VWA3B: variants seen among roughly 807,000 people sequenced by gnomAD.
VWA3B encodes von Willebrand factor A domain-containing protein 3B.
A neutral mutation model predicts 158.3 loss-of-function variants in VWA3B; 138 were observed. The ratio of observed to expected loss-of-function variants is 0.87; its 90% CI spans 0.76 to 1.00. VWA3B has a LOEUF of 1.00. Ranked by LOEUF, VWA3B falls within the 50% of genes least tolerant of loss-of-function variation. VWA3B has a pLI of 0.00. For missense variants in VWA3B, 1,555 were observed against 1,565.1 expected (o/e 0.99, Z 0.11); for synonymous variants, 596 against 587.3 (o/e 1.01, Z -0.21).
At chr2:98,272,337 T>A (rs532523475) in intron 22 of VWA3B, among the ~76,000 whole-genome samples, 5 of 152,212 alleles carry the variant, frequency 3.3e-5, no homozygotes, top group Non-Finnish European at 7.3e-5. Context: ...AGGATACAGA[T>A]GAAGAGATGC....
intron 5 of VWA3B, 69 bp downstream of exon 5, chr2:98,121,527 G>T: frequency 6.4e-7 from 1 of 1,567,818 alleles, no homozygotes; most frequent in South Asian, 1.1e-5. Context: ...CACACTCAGT[G>T]ACTTTACACG....
At position 98,202,447 on chromosome 2, in the gene VWA3B, G is replaced by GAAATTTGTTTCAAGAAACA. The variant is rs1351886012; in HGVS notation, c.1737+7958_1737+7959insTTTGTTTCAAGAAACAAAA. Among the ~76,000 whole-genome samples the GAAATTTGTTTCAAGAAACA allele has an allele frequency of 2.8e-3, 427 of 151,912 alleles. 3 individuals are homozygous for GAAATTTGTTTCAAGAAACA. Among genetic ancestry groups the GAAATTTGTTTCAAGAAACA allele is most frequent in the African/African-American group, 9.5e-3 (395 of 41,472 alleles). ...CTTTTAATTTTGTTAATTTTTTCAA[G>GAAATTTGTTTCAAGAAACA]AAACCAACTTTTTGTTTCTTTGATT... On this transcript the variant is annotated intron_variant, in intron 12 of 27. Coordinates refer to ENST00000477737, the MANE Select transcript of VWA3B (RefSeq NM_144992.5).
rs1327801117 is a variant in VWA3B, at chr2:98,110,671, A to C, written c.197-4981A>C. ...GTGCAGTGGTGAAGTATGGGCTTTT[A>C]GTGTATCCATCATCTGAAGAGTGCA... On this transcript the variant is annotated intron_variant, in intron 2 of 27. Transcript: ENST00000477737. 5.3e-5 allele frequency among the ~76,000 whole-genome samples: 8 copies of C among 152,126 alleles called. 1 individual carries two copies. The highest frequency in any genetic ancestry group is 2.6e-4 in the Admixed American group (4 of 15,282).
intron 21 of VWA3B, among the ~76,000 whole-genome samples, chr2:98,269,057 A>G (rs1301480625): frequency 1.3e-5 from 2 of 152,066 alleles, no homozygotes; most frequent in Non-Finnish European, 2.9e-5. Flanking sequence ...TTTGGGACCA[A>G]TTTCTAAAGA....
chr2:98,239,899 C>G (rs1262276703), intron 19 of VWA3B, among the ~76,000 whole-genome samples: 1 of 148,016 alleles, frequency 6.8e-6, no homozygotes, highest in Non-Finnish European at 1.5e-5. Context: ...GGCAACAGAG[C>G]GAGACTTCAT....
At chr2:98,142,668 G>A (rs935104651) in intron 7 of VWA3B, among the ~76,000 whole-genome samples, 1 of 152,210 alleles carries the variant, frequency 6.6e-6, no homozygotes, top group Non-Finnish European at 1.5e-5. Context: ...AAGTGCCAGA[G>A]GCATGATGTT....
chr2:98,171,163 A>T (rs1235893782), intron 8 of VWA3B, among the ~76,000 whole-genome samples: 2 of 152,202 alleles, frequency 1.3e-5, no homozygotes, highest in East Asian at 1.9e-4. Context: ...TGCTTACTCA[A>T]TGTAGCACTA....
chr2:98,258,141 C>A (rs931529092), intron 21 of VWA3B, among the ~76,000 whole-genome samples: 5 of 151,816 alleles, frequency 3.3e-5, no homozygotes, highest in African/African-American at 1.2e-4. Context: ...GGTCTTGGCA[C>A]CCTTGTCAAA....
At chr2:98,317,599 T>A (rs1261749481), downstream of VWA3B, among the ~76,000 whole-genome samples, 1 of 152,256 alleles carries the variant, frequency 6.6e-6, no homozygotes, top group Non-Finnish European at 1.5e-5. Flanking sequence ...CTTCCCTTGA[T>A]AATAAGTCTT....
chr2:98,177,300 A>G (rs1680093055), intron 8 of VWA3B, among the ~76,000 whole-genome samples: 1 of 152,246 alleles, frequency 6.6e-6, no homozygotes, highest in Non-Finnish European at 1.5e-5. Context: ...CATAACAGAA[A>G]GAACATCTTT....
At chr2:98,183,686 C>CTATA (rs1184850709) in intron 9 of VWA3B, among the ~76,000 whole-genome samples, 1 of 152,186 alleles carries the variant, frequency 6.6e-6, no homozygotes, top group Admixed American at 6.5e-5. Context: ...GGAGCCCCTG[C>CTATA]TATGTACCAG....
chr2:98,251,989 C>A (rs1686827091), intron 20 of VWA3B, among the ~76,000 whole-genome samples: 1 of 152,168 alleles, frequency 6.6e-6, no homozygotes, highest in African/African-American at 2.4e-5. Flanking sequence ...CTCACCCTTC[C>A]CCGTGGGTCG....
At chr2:98,323,181 G>C in the VWA3B span, among the ~76,000 whole-genome samples, 1 of 152,062 alleles carries the variant, frequency 6.6e-6, no homozygotes, top group African/African-American at 2.4e-5. Context: ...AGACATCAAA[G>C]TAGCTACTAT....
chr2:98,132,696 C>T (rs778884517), intron 6 of VWA3B, among the ~76,000 whole-genome samples: 2 of 152,230 alleles, frequency 1.3e-5, no homozygotes, highest in Non-Finnish European at 2.9e-5. Flanking sequence ...CCTCACCCAT[C>T]TCCCCTCCTT....
At chr2:98,153,935 C>T (rs1261166022) in intron 7 of VWA3B, among the ~76,000 whole-genome samples, 2 of 152,194 alleles carry the variant, frequency 1.3e-5, no homozygotes. Context: ...AATCTCGGCT[C>T]ACTGCAACCT....
At chr2:98,180,034 T>C (rs1002903622) in intron 8 of VWA3B, among the ~76,000 whole-genome samples, 1 of 150,354 alleles carries the variant, frequency 6.7e-6, no homozygotes, top group Non-Finnish European at 1.5e-5. Flanking sequence ...CTTTCTTCTC[T>C]CTCTCCTTCC....
chr2:98,301,677 C>T (rs781110121), intron 25 of VWA3B, among the ~76,000 whole-genome samples: 10 of 152,064 alleles, frequency 6.6e-5, no homozygotes, highest in African/African-American at 1.2e-4. Context: ...GCTCATTGGA[C>T]GGATGTTTGT....
At chr2:98,121,071 T>A (rs988115311) in intron 4 of VWA3B, among the ~76,000 whole-genome samples, 1 of 152,244 alleles carries the variant, frequency 6.6e-6, no homozygotes, top group African/African-American at 2.4e-5. Context: ...TAAACATTGT[T>A]TTTCCTAGTC....
intron 2 of VWA3B, among the ~76,000 whole-genome samples, chr2:98,115,101 CTTT>C (rs369549458): frequency 2.3e-4 from 30 of 131,582 alleles, no homozygotes; most frequent in Admixed American, 3.1e-4. Context: ...TCCTATGTTG[CTTT>C]TTTTTTTTTT....
Sources: allele counts gnomAD v4.1 joint callset (sites outside exome capture counted in the v4.1 genomes callset), GRCh38; gene constraint gnomAD v4.1.1; transcripts MANE v1.5; gene names NCBI Gene and HGNC (gene_info 2026-07-23, HGNC 2026-07-21).